The following GALC variants were observed in gnomAD, a reference collection of about 807,000 sequenced individuals.
GALC encodes galactocerebrosidase.
GALC carries 77 observed loss-of-function variants against 91.8 expected under a neutral mutation model. That is an observed-to-expected ratio of 0.84 (90% CI 0.70 to 1.01). The LOEUF is 1.01. Ranked by LOEUF, GALC falls within the 50% of genes least tolerant of loss-of-function variation. The pLI is 0.00. For synonymous variants in GALC, 357 were observed against 306.7 expected (o/e 1.16, Z -1.71); for missense variants, 882 against 855.9 (o/e 1.03, Z -0.38).
At chr14:87,946,786 GA>G (rs1204201022) in intron 13 of GALC, among the ~76,000 whole-genome samples, 4 of 151,880 alleles carry the variant, frequency 2.6e-5, no homozygotes, top group Non-Finnish European at 4.4e-5. Flanking sequence ...AAGAGTTGCA[GA>G]AAAACAAACC....
At chr14:87,980,603 T>G (rs956041381) in intron 6 of GALC, 1 of 544,828 alleles carries the variant, frequency 1.8e-6, no homozygotes, top group Non-Finnish European at 2.3e-6. Flanking sequence ...ACACATCACC[T>G]CCTCTAAAAG....
chr14:87,958,603 C>T (rs1363864429), intron 10 of GALC, among the ~76,000 whole-genome samples: 2 of 152,100 alleles, frequency 1.3e-5, no homozygotes, highest in Non-Finnish European at 2.9e-5. Context: ...TACTAAAAGG[C>T]TATAGTAACG....
At chr14:87,959,770 C>T (rs1885718805) in intron 10 of GALC, 1 of 151,464 alleles carries the variant, frequency 6.6e-6, no homozygotes, top group Non-Finnish European at 1.5e-5. Flanking sequence ...ATCCAGTAAT[C>T]CCACTACTGT....
At chr14:87,992,937 G>GC (rs780139593) in intron 1 of GALC, 33 bp downstream of exon 1, 8 of 1,497,442 alleles carry the variant, frequency 5.3e-6, no homozygotes, top group East Asian at 2.7e-5. Flanking sequence ...GGCTCTTGCC[G>GC]CCCCCCGCGT....
intron 10 of GALC, chr14:87,953,170 G>A (rs113745853): frequency 6.8e-7 from 1 of 1,471,842 alleles, no homozygotes. Flanking sequence ...GTCTGAAGCA[G>A]CAGTTAGGAA....
At chr14:87,974,217 A>G (rs927215472) in intron 7 of GALC, among the ~76,000 whole-genome samples, 12 of 120,006 alleles carry the variant, frequency 1.0e-4, no homozygotes, top group African/African-American at 3.1e-4. Context: ...CAATGCACAT[A>G]AAAGAAAACG....
intron 7 of GALC, among the ~76,000 whole-genome samples, chr14:87,969,585 T>G (rs888682508): frequency 1.6e-4 from 25 of 152,204 alleles, no homozygotes; most frequent in Non-Finnish European, 2.9e-5. Flanking sequence ...CATCTACTTT[T>G]TAGTTTAAAA....
Position 87,933,976 on chromosome 14 carries a change from G to A in GALC, c.*756C>T, listed in dbSNP as rs1424914803. On this transcript the variant is annotated 3_prime_UTR_variant, in exon 17 of 17. Transcript: ENST00000261304. ...GACTACAACAGCATTGGCTATATCA[G>A]GTTTTCTTCCTTCTTCCAGCCACCT... 3.3e-6 allele frequency: 5 copies of A among 1,533,710 alleles called. No individual in the cohort carries two copies. Among genetic ancestry groups the A allele is most frequent in the Admixed American group, 2.0e-5 (1 of 50,926 alleles).
chr14:87,937,386 G>A (rs1884623098), intron 16 of GALC, among the ~76,000 whole-genome samples: 1 of 148,718 alleles, frequency 6.7e-6, no homozygotes, highest in South Asian at 2.1e-4. Flanking sequence ...ATGGGTGCCT[G>A]ACAGACTACT....
rs535674130 is a variant in GALC, at chr14:87,934,969, G to C, written c.1912-91C>G. 1.2e-5 allele frequency: 11 copies of C among 901,044 alleles called. No individual in the cohort carries two copies. The South Asian group carries it at 1.4e-4, about 11-fold the overall frequency. The allele number at this position is 901,044 out of a possible 1,614,324, so 55.8% of individuals were successfully genotyped here. On this transcript the variant is annotated intron_variant, in intron 16 of 16. Coordinates refer to ENST00000261304, the MANE Select transcript of GALC (RefSeq NM_000153.4). ...ATCATGTATGGCCCACTACTTAGTGGAGCAAATGTACTACTCACTCAAGAC... is the reference window on the plus strand; with the variant it reads ...ATCATGTATGGCCCACTACTTAGTGCAGCAAATGTACTACTCACTCAAGAC...
chr14:87,943,181 C>T (rs1385268017), intron 14 of GALC, among the ~76,000 whole-genome samples: 1 of 152,006 alleles, frequency 6.6e-6, no homozygotes, highest in Non-Finnish European at 1.5e-5. Context: ...CTCAGTAATG[C>T]TGAAAGAACA....
rs760535481 is a variant in GALC at position 87,982,185 on chromosome 14, G to A, written c.621+20C>T. The A allele has an allele frequency of 6.5e-6, 9 of 1,387,892 alleles. No homozygotes were observed. Among genetic ancestry groups the A allele is most frequent in the Non-Finnish European group, 8.1e-6 (8 of 985,168 alleles). The allele number at this position is 1,387,892 out of a possible 1,614,324, so 86.0% of individuals were successfully genotyped here. A position where few individuals can be genotyped will look rare whatever the true frequency, so the allele number is the denominator to read the frequency against. On this transcript the variant is annotated intron_variant, in intron 6 of 16. Transcript: ENST00000261304. ...TTCACTAAAAAGTTAAAAACAAAAAGATACTAAAGTTGTACACACCTTAAT... is the reference window on the plus strand; with the variant it reads ...TTCACTAAAAAGTTAAAAACAAAAAAATACTAAAGTTGTACACACCTTAAT...
At chr14:87,971,344 T>C (rs1233568801) in intron 7 of GALC, among the ~76,000 whole-genome samples, 2 of 152,088 alleles carry the variant, frequency 1.3e-5, no homozygotes, top group African/African-American at 2.4e-5. Flanking sequence ...CTCAGGAAGA[T>C]GGGAACATCT....
At chr14:87,992,762 T>G (rs185320304) in intron 1 of GALC, 1 of 1,417,958 alleles carries the variant, frequency 7.1e-7, no homozygotes, top group Non-Finnish European at 9.2e-7. Flanking sequence ...CAAACCTAAC[T>G]GCCTGTCTGG....
At chr14:87,966,302 T>C (rs1409568594) in intron 8 of GALC, among the ~76,000 whole-genome samples, 4 of 152,188 alleles carry the variant, frequency 2.6e-5, no homozygotes, top group Admixed American at 2.6e-4. Context: ...ATCTGCTTTG[T>C]GGCCCATTCT....
At chr14:87,992,433 G>A (rs1255904593) in intron 1 of GALC, 1 of 1,535,322 alleles carries the variant, frequency 6.5e-7, no homozygotes, top group East Asian at 2.4e-5. Context: ...CCTATTCGGC[G>A]CTACCCTCTC....
chr14:87,944,640 G>A (rs1483814753), intron 14 of GALC, among the ~76,000 whole-genome samples: 1 of 151,952 alleles, frequency 6.6e-6, no homozygotes. Context: ...AGGGTTCCAG[G>A]GGCTCTGGAT....
chr14:87,993,549 C>A, upstream of GALC: 1 of 1,319,260 alleles, frequency 7.6e-7, no homozygotes, highest in Non-Finnish European at 1.0e-6. Flanking sequence ...CACCAGGTCC[C>A]GATTCCATTG....
intron 10 of GALC, among the ~76,000 whole-genome samples, chr14:87,962,150 G>GA (rs1410319253): frequency 6.6e-6 from 1 of 152,086 alleles, no homozygotes; most frequent in Non-Finnish European, 1.5e-5. Flanking sequence ...AATATAACCA[G>GA]ACAAAAATGT....
Sources: allele counts gnomAD v4.1 joint callset (sites outside exome capture counted in the v4.1 genomes callset), GRCh38; gene constraint gnomAD v4.1.1; transcripts MANE v1.5; gene names NCBI Gene and HGNC (gene_info 2026-07-23, HGNC 2026-07-21).